The following SP100 variants were observed in gnomAD, a reference collection of about 807,000 sequenced individuals.
SP100 encodes the protein SP100 nuclear body protein.
Under a neutral mutation model 130.0 loss-of-function variants are expected in SP100, and 84 were observed. The ratio of observed to expected loss-of-function variants is 0.65; its 90% confidence interval spans 0.54 to 0.77. The LOEUF is 0.77. Ranked by LOEUF, SP100 falls within the 30% of genes least tolerant of loss-of-function variation. SP100 has a pLI of 0.00. For missense variants in SP100, 978 were observed against 1,052.2 expected (o/e 0.93, Z 0.97); for synonymous variants, 331 against 351.7 (o/e 0.94, Z 0.66).
At chr2:230,483,133 A>C (rs1042232539) in intron 17 of SP100, among the ~76,000 whole-genome samples, 1 of 152,352 alleles carries the variant, frequency 6.6e-6, no homozygotes, top group South Asian at 2.1e-4. Flanking sequence ...TCGAGCTTAC[A>C]TTCTACTTAG....
chr2:230,458,011 T>G (rs1017062768), intron 8 of SP100, among the ~76,000 whole-genome samples: 6 of 152,226 alleles, frequency 3.9e-5, no homozygotes, highest in African/African-American at 1.4e-4. Context: ...ACAGAGGGAC[T>G]GTCCCTGGTT....
At chr2:230,442,486 C>T (rs2149900881) in intron 2 of SP100, among the ~76,000 whole-genome samples, 1 of 152,250 alleles carries the variant, frequency 6.6e-6, no homozygotes, top group Admixed American at 6.5e-5. Context: ...TTAACAGCTA[C>T]AGATTAGAGA....
At chr2:230,450,623 C>G (rs2063933537) in intron 8 of SP100, among the ~76,000 whole-genome samples, 1 of 152,134 alleles carries the variant, frequency 6.6e-6, no homozygotes. Context: ...CAACATCTCC[C>G]CAGTCCTCTT....
chr2:230,457,170 C>T (rs1330270042), intron 8 of SP100, among the ~76,000 whole-genome samples: 1 of 152,198 alleles, frequency 6.6e-6, no homozygotes, highest in Non-Finnish European at 1.5e-5. Flanking sequence ...CCTAGGACAA[C>T]CAGTGGGCAG....
rs1415033659 is a variant in SP100, at chr2:230,541,426, C to G, written c.2403+54C>G. On this transcript the variant is annotated intron_variant, in intron 27 of 28. Transcript: ENST00000340126. ...TACTGGCATTTGTCAAATCTGTGAT[C>G]TGAATCCCATGGCACAAGGTGCCAT... 4.2e-6 allele frequency: 6 copies of G among 1,443,044 alleles called. No homozygotes were observed. In the African/African-American group the frequency reaches 7.0e-5, roughly 17 times the overall value. 89.4% of individuals were successfully genotyped at this position (1,443,044 alleles called of 1,614,324 possible).
At position 230,498,537 on chromosome 2, in the gene SP100, T is replaced by TAA. The variant is rs34979917; in HGVS notation, c.1720+14_1720+15dup. 5.1e-4 allele frequency: 570 copies of TAA among 1,112,566 alleles called. 1 individual carries two copies. In the African/African-American group the frequency reaches 8.1e-3, roughly 16 times the overall value. 68.9% of individuals were successfully genotyped at this position (1,112,566 alleles called of 1,614,324 possible). On this transcript the variant is annotated splice_region_variant and intron_variant, in intron 19 of 28. Transcript: ENST00000340126. ...AAAAGAAAAGATGGCAACAAAGAGG[T>TAA]AAAAAAAAAAAAATACATTTTAAAT...
intron 17 of SP100, among the ~76,000 whole-genome samples, chr2:230,475,071 T>C (rs2150003584): frequency 6.6e-6 from 1 of 152,290 alleles, no homozygotes; most frequent in Non-Finnish European, 1.5e-5. Flanking sequence ...GATTGCTGGG[T>C]AGAATGGCAT....
intron 17 of SP100, among the ~76,000 whole-genome samples, chr2:230,484,138 A>G (rs1247194274): frequency 6.6e-6 from 1 of 152,210 alleles, no homozygotes; most frequent in Non-Finnish European, 1.5e-5. Flanking sequence ...AAAAGCACAA[A>G]AACGCACACA....
At chr2:230,541,087 C>CA in intron 26 of SP100, 91 bp downstream of exon 26, 1 of 1,462,126 alleles carries the variant, frequency 6.8e-7, no homozygotes, top group Admixed American at 2.1e-5. Flanking sequence ...GAATGGAGCC[C>CA]AAAAGCAAAC....
chr2:230,476,162 T>C (rs1203690936), intron 17 of SP100, among the ~76,000 whole-genome samples: 1 of 152,238 alleles, frequency 6.6e-6, no homozygotes, highest in African/African-American at 2.4e-5. Flanking sequence ...ATTCTTCCAA[T>C]CCATGAGCAT....
Position 230,502,074 on chromosome 2 carries a change from C to T in SP100, c.1721-992C>T, listed in dbSNP as rs1011842166. On this transcript the variant is annotated intron_variant, in intron 19 of 28. Transcript: ENST00000340126. Reference sequence around the variant, plus strand: ...TTAATTTTTAGTAGAGACGGAGTTTCACCATGTTGGCTAGGCTGGTTTTGA... The same window carrying T: ...TTAATTTTTAGTAGAGACGGAGTTTTACCATGTTGGCTAGGCTGGTTTTGA... Among the ~76,000 whole-genome samples the T allele has an allele frequency of 2.7e-5, 4 of 148,404 alleles. No individual in the cohort carries two copies. In the Admixed American group the frequency reaches 2.7e-4, roughly 10 times the overall value.
chr2:230,508,187 T>G, intron 23 of SP100, 156 bp downstream of exon 23: 1 of 1,299,720 alleles, frequency 7.7e-7, no homozygotes, highest in Non-Finnish European at 1.0e-6. Context: ...TTATTCAATG[T>G]ATAAGTCCAG....
At chr2:230,510,925 T>C in intron 23 of SP100, 200 bp from the exon 24 acceptor site, 1 of 602,624 alleles carries the variant, frequency 1.7e-6, no homozygotes, top group South Asian at 2.0e-5. Flanking sequence ...AAATGGCACT[T>C]GCATTGGGCC....
intron 17 of SP100, among the ~76,000 whole-genome samples, chr2:230,491,214 G>C (rs1237719874): frequency 2.0e-5 from 3 of 152,212 alleles, no homozygotes; most frequent in African/African-American, 7.2e-5. Context: ...GTGCTTTGGG[G>C]GCGGGGTGAA....
intron 17 of SP100, among the ~76,000 whole-genome samples, chr2:230,481,356 A>T (rs2065824779): frequency 6.6e-6 from 1 of 152,194 alleles, no homozygotes; most frequent in South Asian, 2.1e-4. Flanking sequence ...CATCCTCATC[A>T]GTAATCCTCA....
intron 2 of SP100, among the ~76,000 whole-genome samples, chr2:230,424,143 A>T (rs1036854146): frequency 6.6e-6 from 1 of 152,210 alleles, no homozygotes; most frequent in African/African-American, 2.4e-5. Flanking sequence ...AAATGACGGT[A>T]TTAATAATGG....
intron 7 of SP100, 131 bp downstream of exon 7, chr2:230,449,841 G>C: frequency 1.1e-6 from 1 of 951,652 alleles, no homozygotes; most frequent in African/African-American, 1.6e-5. Flanking sequence ...AGACACAGAG[G>C]GGGCCTGTTA....
chr2:230,467,363 G>A (rs1014696758), intron 13 of SP100, 148 bp downstream of exon 13: 48 of 636,886 alleles, frequency 7.5e-5, no homozygotes, highest in Middle Eastern at 3.9e-4. Context: ...AAAGAAAGAA[G>A]TCACTCTAAA....
At chr2:230,440,559 T>C (rs1260082163) in intron 2 of SP100, 2 of 1,383,742 alleles carry the variant, frequency 1.4e-6, no homozygotes, top group Non-Finnish European at 1.9e-6. Flanking sequence ...TAAACACATG[T>C]AAGTAAATGG....
Sources: allele counts gnomAD v4.1 joint callset (sites outside exome capture counted in the v4.1 genomes callset), GRCh38; gene constraint gnomAD v4.1.1; transcripts MANE v1.5; gene names NCBI Gene and HGNC (gene_info 2026-07-23, HGNC 2026-07-21).